FRA10AC1: variants seen among roughly 807,000 people sequenced by gnomAD.
FRA10AC1 encodes the protein protein FRA10AC1.
Under a neutral mutation model 56.5 loss-of-function variants are expected in FRA10AC1, and 43 were observed. The observed-to-expected ratio is 0.76, with a 90% confidence interval of 0.60 to 0.98. The LOEUF (loss-of-function observed/expected upper bound fraction) is 0.98, where lower values mean the gene tolerates loss of function less well. FRA10AC1 is among the 50% of genes least tolerant of loss of function. The pLI is 0.00. For missense variants in FRA10AC1, 346 were observed against 351.8 expected (o/e 0.98, Z 0.13); for synonymous variants, 112 against 110.5 (o/e 1.01, Z -0.09).
chr10:93,685,515 A>T (rs561636946), intron 8 of FRA10AC1, 156 bp from the exon 9 acceptor site: 7 of 480,294 alleles, frequency 1.5e-5, no homozygotes, highest in Non-Finnish European at 2.5e-5. Context: ...CAACTTGTAT[A>T]CAAGTATCAA....
chr10:93,693,175 T>C (rs1175124251), intron 5 of FRA10AC1, among the ~76,000 whole-genome samples: 1 of 150,990 alleles, frequency 6.6e-6, no homozygotes, highest in South Asian at 2.1e-4. Context: ...GCCAAAGGGA[T>C]TGACCTTTCA....
intron 10 of FRA10AC1, among the ~76,000 whole-genome samples, 183 bp from the exon 11 acceptor site, chr10:93,681,781 CTA>C (rs1424299312): frequency 1.3e-5 from 2 of 151,956 alleles, no homozygotes; most frequent in African/African-American, 4.8e-5. Context: ...TAAAATCATT[CTA>C]TAAGATAATG....
At chr10:93,688,598 T>C (rs1322867099) in intron 7 of FRA10AC1, among the ~76,000 whole-genome samples, 1 of 152,146 alleles carries the variant, frequency 6.6e-6, no homozygotes, top group Non-Finnish European at 1.5e-5. Flanking sequence ...TATGCATGTA[T>C]GAGAGCAGGG....
chr10:93,673,956 A>G (rs1393702026), intron 12 of FRA10AC1: 1 of 206,846 alleles, frequency 4.8e-6, no homozygotes, highest in Admixed American at 5.3e-5. Flanking sequence ...TGATACAGGT[A>G]AAGGGCATAG....
chr10:93,698,118 G>T lies in FRA10AC1; in HGVS notation c.219+18C>A. On this transcript the variant is annotated intron_variant, in intron 4 of 13. Transcript: ENST00000359204. ...ATATTCTACTAGTTATAAAAATCTG[G>T]AAATAAAAAAAGGATACAGCATCCA... 1 of 1,451,734 alleles carries T rather than the reference G, an allele frequency of 6.9e-7. No homozygotes were observed. Among genetic ancestry groups the T allele is most frequent in the Non-Finnish European group, 9.3e-7 (1 of 1,078,992 alleles). The allele number at this position is 1,451,734 out of a possible 1,614,324, so 89.9% of individuals were successfully genotyped here.
Position 93,702,462 on chromosome 10 carries a change from G to C in FRA10AC1, c.-88C>G. 1.2e-5 allele frequency: 2 copies of C among 169,364 alleles called. 1 individual carries two copies. The highest frequency in any genetic ancestry group is 2.5e-5 in the Non-Finnish European group (2 of 79,228). The allele number at this position is 169,364 out of a possible 1,614,324, so 10.5% of individuals were successfully genotyped here. A position where few individuals can be genotyped will look rare whatever the true frequency, so the allele number is the denominator to read the frequency against. ...CAGCTGCAGCGACGACCCACGGCCT[G>C]AGAGAGCCGCTGCAGCACAGGTCCC... is the stretch of plus-strand genomic sequence containing the variant. On this transcript the variant is annotated 5_prime_UTR_variant, in exon 1 of 14. Transcript: ENST00000359204.
intron 8 of FRA10AC1, among the ~76,000 whole-genome samples, chr10:93,685,981 T>C (rs967834291): frequency 2.6e-5 from 4 of 151,664 alleles, no homozygotes; most frequent in African/African-American, 9.7e-5. Flanking sequence ...ATCACACACA[T>C]TACCATGTCC....
At position 93,694,869 on chromosome 10, in the gene FRA10AC1, C is replaced by T. The variant is rs2059204007; in HGVS notation, c.288G>A (p.Lys96=). The part of the protein sequence containing the change: ...LYYGGKKEDF[K]RLGENDKTDL... ...AACTTCCTGATACTTACCCCAAACGCTTGAAGTCTTCTTTTTTGCCACCAT... is the reference window on the plus strand; with the variant it reads ...AACTTCCTGATACTTACCCCAAACGTTTGAAGTCTTCTTTTTTGCCACCAT... Residue 96 remains lysine (K), a synonymous_variant, in exon 5 of 14, where the codon AAG becomes AAA. Coordinates refer to ENST00000359204, the MANE Select transcript of FRA10AC1 (RefSeq NM_145246.5). The T allele has an allele frequency of 2.5e-6, 4 of 1,584,042 alleles. No individual in the cohort carries two copies. The highest frequency in any genetic ancestry group is 3.5e-6 in the Non-Finnish European group (4 of 1,152,932).
rs1268059253 is a variant in FRA10AC1 at position 93,669,148 on chromosome 10, CA to C, written c.*677del. 2.0e-5 allele frequency: 3 copies of C among 151,886 alleles called. No individual in the cohort carries two copies. The highest frequency in any genetic ancestry group is 6.6e-5 in the Admixed American group (1 of 15,228). 9.4% of individuals were successfully genotyped at this position (151,886 alleles called of 1,614,324 possible). ...AAGAAGGAAGCAAGAGACAGGCAAG[CA>C]AAAAACCTCAAAAAGCAGCTGGAAA... is the stretch of plus-strand genomic sequence containing the variant. On this transcript the variant is annotated 3_prime_UTR_variant, in exon 14 of 14. Transcript: ENST00000359204.
chr10:93,679,208 C>T (rs558003167), intron 11 of FRA10AC1, among the ~76,000 whole-genome samples: 3 of 152,308 alleles, frequency 2.0e-5, no homozygotes, highest in South Asian at 4.1e-4. Flanking sequence ...GTCTCAATTC[C>T]ACCTTGCTTT....
chr10:93,670,296 T>C (rs1021904460), intron 13 of FRA10AC1, among the ~76,000 whole-genome samples: 9 of 152,254 alleles, frequency 5.9e-5, no homozygotes, highest in African/African-American at 4.8e-5. Flanking sequence ...CTAAGGGGAA[T>C]TGGGTAAATC....
At chr10:93,690,546 A>G (rs1343501441) in intron 7 of FRA10AC1, among the ~76,000 whole-genome samples, 1 of 152,158 alleles carries the variant, frequency 6.6e-6, no homozygotes, top group Non-Finnish European at 1.5e-5. Context: ...GTCCAGTTTC[A>G]ATAGATACTG....
intron 7 of FRA10AC1, among the ~76,000 whole-genome samples, chr10:93,688,652 C>T (rs2059072184): frequency 6.6e-6 from 1 of 151,910 alleles, no homozygotes; most frequent in Admixed American, 6.6e-5. Flanking sequence ...TTGTTGTAAA[C>T]CTAAAAATGC....
intron 10 of FRA10AC1, among the ~76,000 whole-genome samples, chr10:93,683,640 C>T (rs992186085): frequency 2.6e-5 from 4 of 152,154 alleles, no homozygotes; most frequent in Non-Finnish European, 5.9e-5. Context: ...CATGAGCCAC[C>T]GCGCCTGTTC....
chr10:93,687,415 ATTAC>A lies in FRA10AC1; in HGVS notation c.496_499del (p.Val166PhefsTer20). On this transcript the variant is annotated frameshift_variant, in exon 8 of 14. Coordinates refer to ENST00000359204, the MANE Select transcript of FRA10AC1 (RefSeq NM_145246.5). LOFTEE classifies it high-confidence loss of function. Reference sequence around the variant, plus strand: ...TTTTAAAGAATTACCTTTTCCTGAAATTACTTCTTTTTCTACTCGCCACCTAAAT... The same window carrying A: ...TTTTAAAGAATTACCTTTTCCTGAAATTCTTTTTCTACTCGCCACCTAAAT... 6.6e-7 allele frequency: 1 copy of A among 1,514,092 alleles called. No homozygotes were observed. The highest frequency in any genetic ancestry group is 9.0e-7 in the Non-Finnish European group (1 of 1,115,154). The allele number at this position is 1,514,092 out of a possible 1,614,324, so 93.8% of individuals were successfully genotyped here. A position where few individuals can be genotyped will look rare whatever the true frequency, so the allele number is the denominator to read the frequency against.
intron 13 of FRA10AC1, among the ~76,000 whole-genome samples, chr10:93,670,498 T>G (rs1312462586): frequency 3.9e-5 from 6 of 152,114 alleles, no homozygotes; most frequent in Non-Finnish European, 7.4e-5. Context: ...CTCTGGAAGC[T>G]TAGGAAACAG....
chr10:93,696,800 T>G (rs1305211784), intron 4 of FRA10AC1, among the ~76,000 whole-genome samples: 1 of 152,230 alleles, frequency 6.6e-6, no homozygotes, highest in African/African-American at 2.4e-5. Context: ...TCATGTCCTT[T>G]GCAGGGACAT....
At chr10:93,694,824 C>T (rs933705519) in intron 5 of FRA10AC1, 37 bp downstream of exon 5, 5 of 1,215,562 alleles carry the variant, frequency 4.1e-6, no homozygotes, top group Non-Finnish European at 6.1e-6. Context: ...TTTCCCATAA[C>T]CCACATTCCC....
intron 5 of FRA10AC1, among the ~76,000 whole-genome samples, 169 bp downstream of exon 5, chr10:93,694,692 C>T (rs11187593): frequency 0.44 from 57,209 of 131,206 alleles, 13,874 homozygotes; most frequent in Non-Finnish European, 0.54. Flanking sequence ...CCAGCCTGGG[C>T]GACAGAGTGA....
Sources: gnomAD v4.1 joint callset for allele counts (sites outside exome capture counted in the v4.1 genomes callset) on GRCh38, gnomAD v4.1.1 for gene constraint, MANE v1.5 for transcripts, NCBI Gene and HGNC (gene_info 2026-07-23, HGNC 2026-07-21) for gene names.